The following CNKSR3 variants were observed in gnomAD, a reference collection of about 807,000 sequenced individuals.
CNKSR3 encodes CNKSR family member 3.
Under a neutral mutation model 67.7 loss-of-function variants are expected in CNKSR3, and 36 were observed. That is an observed-to-expected ratio of 0.53 (90% CI 0.41 to 0.70). The LOEUF (loss-of-function observed/expected upper bound fraction) is 0.70. CNKSR3 is among the 30% of genes least tolerant of loss of function. The pLI is 0.00. For synonymous variants in CNKSR3, 281 were observed against 271.4 expected (o/e 1.04, Z -0.35); for missense variants, 630 against 695.2 (o/e 0.91, Z 1.05).
Position 154,481,574 on chromosome 6 carries a change from GAGT to G in CNKSR3, c.52+28486_52+28488del, listed in dbSNP as rs560387486. On this transcript the variant is annotated intron_variant, in intron 1 of 12. Transcript: ENST00000607772. ...AATAGAAGAGACCTGATGCCTTCAA[GAGT>G]AGATGAGGAACACAGGCACATGCTG... Among the ~76,000 whole-genome samples the G allele has an allele frequency of 3.4e-4, 52 of 152,316 alleles. 2 individuals carry two copies. The South Asian group carries it at 9.3e-3, about 27-fold the overall frequency.
intron 5 of CNKSR3, among the ~76,000 whole-genome samples, 180 bp from the exon 6 acceptor site, chr6:154,430,771 T>C (rs1785349564): frequency 6.6e-6 from 1 of 152,222 alleles, no homozygotes; most frequent in Non-Finnish European, 1.5e-5. Context: ...GTGGGAATAG[T>C]GCCACTATTT....
chr6:154,424,679 A>G (rs1309289874), intron 7 of CNKSR3, among the ~76,000 whole-genome samples: 2 of 152,180 alleles, frequency 1.3e-5, no homozygotes, highest in Non-Finnish European at 2.9e-5. Context: ...GTTATTTGTG[A>G]AAACATTTAA....
chr6:154,466,648 C>A (rs112397971), intron 1 of CNKSR3, among the ~76,000 whole-genome samples: 1 of 152,138 alleles, frequency 6.6e-6, no homozygotes, highest in African/African-American at 2.4e-5. Context: ...GAGACAGGGT[C>A]TAGCTCTGTC....
At chr6:154,491,932 T>C (rs368622097) in intron 1 of CNKSR3, among the ~76,000 whole-genome samples, 1 of 152,200 alleles carries the variant, frequency 6.6e-6, no homozygotes, top group African/African-American at 2.4e-5. Flanking sequence ...TACAAAGAGC[T>C]GTGTGCATTG....
intron 12 of CNKSR3, among the ~76,000 whole-genome samples, chr6:154,407,892 A>AAC (rs1784835051): frequency 6.6e-6 from 1 of 150,892 alleles, no homozygotes; most frequent in Admixed American, 6.6e-5. Context: ...AAAAAAAAAA[A>AAC]AAACCTAAAT....
chr6:154,499,966 TTTAAG>T (rs2114658132), intron 1 of CNKSR3, among the ~76,000 whole-genome samples: 1 of 152,254 alleles, frequency 6.6e-6, no homozygotes, highest in East Asian at 1.9e-4. Flanking sequence ...TTAGTAACAA[TTTAAG>T]GCTTTAGTGT....
At chr6:154,507,397 A>G (rs1787123201) in intron 1 of CNKSR3, among the ~76,000 whole-genome samples, 1 of 152,242 alleles carries the variant, frequency 6.6e-6, no homozygotes, top group South Asian at 2.1e-4. Context: ...CAATACCAAG[A>G]GTAGCAAAGT....
intron 1 of CNKSR3, among the ~76,000 whole-genome samples, chr6:154,478,658 G>C (rs1462774369): frequency 1.3e-5 from 2 of 152,192 alleles, no homozygotes; most frequent in African/African-American, 4.8e-5. Context: ...GAAAAGGTCT[G>C]CCCATGAAGA....
rs146500528 is a variant in CNKSR3, at chr6:154,413,159, C to A, written c.1070+1140G>T. Among the ~76,000 whole-genome samples the A allele has an allele frequency of 4.7e-4, 72 of 151,966 alleles. 1 individual carries two copies. In the East Asian group the frequency reaches 0.013, roughly 28 times the overall value. ...TATGGTACACACACACACACACACACACACACACACACACACAAATATGAA... is the reference window on the plus strand; with the variant it reads ...TATGGTACACACACACACACACACAAACACACACACACACACAAATATGAA... On this transcript the variant is annotated intron_variant, in intron 10 of 12. Coordinates refer to ENST00000607772, the MANE Select transcript of CNKSR3 (RefSeq NM_173515.4).
chr6:154,413,406 T>A (rs1291775565), intron 10 of CNKSR3, among the ~76,000 whole-genome samples: 2 of 152,024 alleles, frequency 1.3e-5, no homozygotes, highest in Non-Finnish European at 2.9e-5. Context: ...ATTTTTTAAA[T>A]TTTTTGTAGA....
chr6:154,415,882 T>G (rs1340395668), intron 9 of CNKSR3, among the ~76,000 whole-genome samples: 2 of 152,204 alleles, frequency 1.3e-5, no homozygotes, highest in Non-Finnish European at 2.9e-5. Flanking sequence ...ACAACAATGA[T>G]TTTTCTGGTT....
chr6:154,490,501 T>C (rs923746710), intron 1 of CNKSR3, among the ~76,000 whole-genome samples: 2 of 152,232 alleles, frequency 1.3e-5, no homozygotes, highest in African/African-American at 4.8e-5. Context: ...ATATATCTAA[T>C]ATGTATAATG....
intron 10 of CNKSR3, among the ~76,000 whole-genome samples, chr6:154,412,034 A>G (rs1459060505): frequency 6.6e-6 from 1 of 152,222 alleles, no homozygotes; most frequent in Non-Finnish European, 1.5e-5. Context: ...TTTGAGTCCA[A>G]GTTACCAGCT....
chr6:154,422,625 T>C lies in CNKSR3; in HGVS notation c.826A>G (p.Lys276Glu). ...VVGWQLKNLVKKLRENPTGVV... is the reference protein window; with the variant it reads ...VVGWQLKNLVEKLRENPTGVV... The stretch of plus-strand genomic sequence containing the variant: ...CCGGTGGGATTCTCTCTCAATTTCT[T>C]CACCAGATTTTTCAGCTGCCATCCC... The change falls in exon 9 of 13, where the codon AAG (lysine) becomes GAG (glutamate). Residue 276 changes from lysine (K) to glutamate (E), a missense_variant. Physicochemically the swap from Lys to Glu is moderately conservative, Grantham distance 56. This residue lies in a region of CNKSR3 where 133 missense variants were observed against 190.6 expected (regional missense o/e 0.70). Coordinates refer to ENST00000607772, the MANE Select transcript of CNKSR3 (RefSeq NM_173515.4). The C allele has an allele frequency of 6.2e-7, 1 of 1,613,562 alleles. No individual in the cohort carries two copies.
At chr6:154,435,517 G>A (rs933839229) in intron 4 of CNKSR3, among the ~76,000 whole-genome samples, 15 of 152,076 alleles carry the variant, frequency 9.9e-5, no homozygotes, top group African/African-American at 2.7e-4. Context: ...GGAGCTTCCC[G>A]CCTCCCAAAT....
intron 1 of CNKSR3, among the ~76,000 whole-genome samples, chr6:154,478,112 G>T (rs1440043341): frequency 1.3e-5 from 2 of 152,302 alleles, no homozygotes; most frequent in Non-Finnish European, 2.9e-5. Context: ...TCTCAAGAAA[G>T]GTGAGTACAG....
intron 1 of CNKSR3, among the ~76,000 whole-genome samples, chr6:154,495,283 GC>G (rs548685266): frequency 5.8e-4 from 88 of 151,640 alleles, no homozygotes; most frequent in African/African-American, 2.0e-3. Context: ...AACTAGAACA[GC>G]TTTTGAGATT....
rs1227092000 is a variant in CNKSR3, at chr6:154,406,583, G to A, written c.1439C>T (p.Pro480Leu). The change falls in exon 13 of 13, where the codon CCC becomes CTC. Residue 480 changes from proline to leucine, a missense_variant. By Grantham distance (98) the Pro-to-Leu change is moderately conservative. Transcript: ENST00000607772. Reference sequence around the variant, plus strand: ...CGTGGGTCTGGAGAACCGGTATGGGGGAGAGGAGCTCTCTTCAATGATCGG... The same window carrying A: ...CGTGGGTCTGGAGAACCGGTATGGGAGAGAGGAGCTCTCTTCAATGATCGG... ...IPPIIEESSS[P>L]PYRFSRPTTE... The A allele has an allele frequency of 6.2e-7, 1 of 1,614,180 alleles. No individual in the cohort carries two copies. Among genetic ancestry groups the A allele is most frequent in the Admixed American group, 1.7e-5 (1 of 60,020 alleles).
chr6:154,409,837 A>T (rs1038827881), intron 12 of CNKSR3, among the ~76,000 whole-genome samples: 2 of 150,210 alleles, frequency 1.3e-5, no homozygotes, highest in East Asian at 2.0e-4. Flanking sequence ...TACAGCTAGG[A>T]GTTTGAGACC....
Sources: allele counts gnomAD v4.1 joint callset (sites outside exome capture counted in the v4.1 genomes callset), GRCh38; gene constraint gnomAD v4.1.1; regional missense constraint gnomAD v4.1.1; transcripts MANE v1.5; gene names NCBI Gene and HGNC (gene_info 2026-07-23, HGNC 2026-07-21).